ATG3: variants seen among roughly 807,000 people sequenced by gnomAD.
The protein encoded by ATG3 is autophagy related 3.
ATG3 carries 25 observed loss-of-function variants against 50.7 expected under a neutral mutation model. The ratio of observed to expected loss-of-function variants is 0.49; its 90% CI spans 0.36 to 0.69. The LOEUF is 0.69. Among genes scored for constraint, ATG3 ranks in the 30% least tolerant of loss-of-function variants. ATG3 has a pLI of 0.00. For missense variants in ATG3, 281 were observed against 376.0 expected (o/e 0.75, Z 2.09); for synonymous variants, 119 against 125.5 (o/e 0.95, Z 0.34).
chr3:112,533,444 G>C, intron 11 of ATG3: 4 of 985,264 alleles, frequency 4.1e-6, no homozygotes, highest in Non-Finnish European at 4.8e-6. Flanking sequence ...ATATGGTTTG[G>C]ACTGGAAGTT....
At chr3:112,538,038 A>G (rs1933120789) in intron 8 of ATG3, 108 bp downstream of exon 8, 16 of 1,205,804 alleles carry the variant, frequency 1.3e-5, no homozygotes, top group Non-Finnish European at 1.6e-5. Flanking sequence ...GCTATAATCA[A>G]TATGAACAAA....
intron 7 of ATG3, 115 bp from the exon 8 acceptor site, chr3:112,538,295 T>C: frequency 1.3e-6 from 1 of 771,804 alleles, no homozygotes; most frequent in Non-Finnish European, 2.1e-6. Flanking sequence ...GCCTTTGTTT[T>C]TAAGTGAAGA....
At chr3:112,541,947 C>CA (rs779777927) in intron 6 of ATG3, 63 bp from the exon 7 acceptor site, 11 of 1,309,026 alleles carry the variant, frequency 8.4e-6, no homozygotes, top group Non-Finnish European at 1.2e-5. Context: ...ACTGAACACC[C>CA]ATGTGCTAGC....
At chr3:112,545,872 T>C (rs191300467) in intron 5 of ATG3, among the ~76,000 whole-genome samples, 2 of 152,306 alleles carry the variant, frequency 1.3e-5, no homozygotes, top group Admixed American at 1.3e-4. Flanking sequence ...TAGATATTGC[T>C]GAAGGTATTT....
chr3:112,533,166 CAA>C (rs2082568650), intron 11 of ATG3: 1 of 985,690 alleles, frequency 1.0e-6, no homozygotes, highest in Non-Finnish European at 1.2e-6. Context: ...AGTACTATAG[CAA>C]AAGAGAAAAA....
intron 4 of ATG3, among the ~76,000 whole-genome samples, chr3:112,549,901 T>C (rs918753658): frequency 2.6e-5 from 4 of 151,852 alleles, no homozygotes; most frequent in Non-Finnish European, 5.9e-5. Context: ...TTAGATGTCA[T>C]AGGTAGTATG....
intron 9 of ATG3, among the ~76,000 whole-genome samples, chr3:112,537,155 AG>A (rs1933087741): frequency 6.6e-6 from 1 of 152,100 alleles, no homozygotes; most frequent in Non-Finnish European, 1.5e-5. Context: ...CCCCCAATGC[AG>A]AAAAAAAATC....
intron 7 of ATG3, among the ~76,000 whole-genome samples, chr3:112,538,575 T>C (rs1209356501): frequency 6.6e-6 from 1 of 152,228 alleles, no homozygotes; most frequent in Non-Finnish European, 1.5e-5. Context: ...CTTTCTTTCC[T>C]TGGCTTTTAA....
At chr3:112,544,459 C>T (rs1052481746) in intron 5 of ATG3, among the ~76,000 whole-genome samples, 8 of 151,954 alleles carry the variant, frequency 5.3e-5, no homozygotes, top group African/African-American at 1.7e-4. Flanking sequence ...AGTTCAAGAC[C>T]AGCCTAGCCA....
chr3:112,542,757 T>C (rs1933265180), intron 6 of ATG3, among the ~76,000 whole-genome samples: 1 of 152,054 alleles, frequency 6.6e-6, no homozygotes, highest in Non-Finnish European at 1.5e-5. Context: ...ACAACCAAGA[T>C]TAATACTTCT....
intron 2 of ATG3, among the ~76,000 whole-genome samples, chr3:112,553,811 C>T (rs548702279): frequency 5.9e-5 from 9 of 152,238 alleles, no homozygotes; most frequent in Middle Eastern, 6.8e-3. Flanking sequence ...GGGCACACTT[C>T]TTCCTCTTCC....
chr3:112,555,234 C>T (rs141790479), intron 2 of ATG3, among the ~76,000 whole-genome samples: 1 of 152,292 alleles, frequency 6.6e-6, no homozygotes, highest in African/African-American at 2.4e-5. Context: ...AACACAGACT[C>T]ACACTGATAA....
intron 5 of ATG3, among the ~76,000 whole-genome samples, chr3:112,547,838 A>C (rs1043903246): frequency 7.9e-5 from 12 of 152,238 alleles, no homozygotes; most frequent in Non-Finnish European, 1.6e-4. Context: ...AATACTTAAT[A>C]GATGTCAGTT....
chr3:112,533,616 A>C, intron 11 of ATG3: 1 of 985,372 alleles, frequency 1.0e-6, no homozygotes, highest in Non-Finnish European at 1.2e-6. Flanking sequence ...CCTAGCATCA[A>C]ACTAATTCAA....
At chr3:112,533,084 G>T in intron 11 of ATG3, 1 of 1,016,986 alleles carries the variant, frequency 9.8e-7, no homozygotes, top group Non-Finnish European at 1.2e-6. Flanking sequence ...AGTACAAAAT[G>T]TACTCATTTA....
chr3:112,554,529 C>G (rs1009831792), intron 2 of ATG3, among the ~76,000 whole-genome samples: 3 of 152,232 alleles, frequency 2.0e-5, no homozygotes, highest in Admixed American at 6.5e-5. Context: ...ATCCTTTGCT[C>G]TTTTCGGACT....
At chr3:112,538,219 G>A in intron 7 of ATG3, 39 bp from the exon 8 acceptor site, 1 of 1,489,972 alleles carries the variant, frequency 6.7e-7, no homozygotes, top group Non-Finnish European at 9.1e-7. Context: ...TCAAGTTCAA[G>A]TTCAAGAAAA....
At chr3:112,549,862 C>T (rs925266691) in intron 4 of ATG3, among the ~76,000 whole-genome samples, 12 of 148,638 alleles carry the variant, frequency 8.1e-5, no homozygotes, top group African/African-American at 1.7e-4. Context: ...AATGACACAA[C>T]GGATAATAAC....
chr3:112,561,514 A>G lies in ATG3; in HGVS notation c.15T>C (p.Ile5=). 1 of 1,612,176 alleles carries G rather than the reference A, an allele frequency of 6.2e-7. No homozygotes were observed. The highest frequency in any genetic ancestry group is 8.5e-7 in the Non-Finnish European group (1 of 1,179,876). ...CCAGTGCCTTTCCCTTCACAGTATT[A>G]ATCACATTCTGCATCCTGGGGCCGG... MQNV[I]NTVKGKALEV... Residue 5 remains isoleucine (I), a synonymous_variant, in exon 1 of 12, where the codon ATT becomes ATC. Transcript: ENST00000283290.
Sources: gnomAD v4.1 joint callset for allele counts (sites outside exome capture counted in the v4.1 genomes callset) on GRCh38, gnomAD v4.1.1 for gene constraint, MANE v1.5 for transcripts, NCBI Gene and HGNC (gene_info 2026-07-23, HGNC 2026-07-21) for gene names.